OPCML: variants seen among roughly 807,000 people sequenced by gnomAD.
The protein encoded by OPCML is opioid-binding protein/cell adhesion molecule.
Under a neutral mutation model 37.8 loss-of-function variants are expected in OPCML, and 13 were observed. The observed-to-expected ratio is 0.34, with a 90% CI of 0.22 to 0.55. The LOEUF is 0.55. OPCML is among the 20% of genes least tolerant of loss of function. The probability of loss-of-function intolerance (pLI) is 0.91; values close to 1 mark genes in which losing one functional copy is unlikely to be tolerated. For synonymous variants in OPCML, 176 were observed against 168.8 expected, an observed-to-expected ratio of 1.04 and a Z score of -0.33; for missense variants, 341 against 435.6, an observed-to-expected ratio of 0.78 and a Z score of 1.93.
chr11:132,868,086 T>C (rs1219923193), intron 2 of OPCML, among the ~76,000 whole-genome samples: 1 of 152,146 alleles, frequency 6.6e-6, no homozygotes, highest in Non-Finnish European at 1.5e-5. Flanking sequence ...CTAGCACTAA[T>C]GTATTAAGCC....
intron 3 of OPCML, among the ~76,000 whole-genome samples, chr11:132,624,951 C>T (rs1939649995): frequency 6.6e-6 from 1 of 152,070 alleles, no homozygotes; most frequent in Non-Finnish European, 1.5e-5. Context: ...AACTGGGTAT[C>T]CTGTATTTTT....
chr11:133,355,418 A>G (rs1944260521), intron 1 of OPCML, among the ~76,000 whole-genome samples: 1 of 152,234 alleles, frequency 6.6e-6, no homozygotes, highest in African/African-American at 2.4e-5. Context: ...TCAAAGATCC[A>G]GGATTGTTAA....
chr11:132,486,984 A>G (rs1376267153), intron 4 of OPCML, among the ~76,000 whole-genome samples: 2 of 152,224 alleles, frequency 1.3e-5, no homozygotes, highest in Admixed American at 1.3e-4. Flanking sequence ...GTAAACATTA[A>G]TTATTAGTGG....
intron 1 of OPCML, among the ~76,000 whole-genome samples, chr11:133,105,035 G>A (rs1420472339): frequency 1.3e-5 from 2 of 152,086 alleles, no homozygotes; most frequent in Non-Finnish European, 2.9e-5. Flanking sequence ...GAATTGTTAG[G>A]CACATTAAGA....
intron 1 of OPCML, among the ~76,000 whole-genome samples, chr11:133,471,643 A>T (rs979021504): frequency 6.6e-6 from 1 of 152,174 alleles, no homozygotes; most frequent in Non-Finnish European, 1.5e-5. Flanking sequence ...AGAGTAAAAA[A>T]CCGGAGTGGA....
chr11:133,513,606 A>G (rs1019838354), intron 1 of OPCML, among the ~76,000 whole-genome samples: 10 of 152,170 alleles, frequency 6.6e-5, no homozygotes, highest in African/African-American at 2.4e-4. Flanking sequence ...GAGGCAGTAC[A>G]TTGTGTTTTG....
At chr11:132,726,873 C>T (rs781557926) in intron 2 of OPCML, among the ~76,000 whole-genome samples, 13 of 152,162 alleles carry the variant, frequency 8.5e-5, no homozygotes, top group Non-Finnish European at 1.2e-4. Flanking sequence ...CCCATCCCTC[C>T]GCACTTCCTA....
chr11:133,166,171 T>G (rs1592065349), intron 1 of OPCML, among the ~76,000 whole-genome samples: 1 of 152,266 alleles, frequency 6.6e-6, no homozygotes, highest in Non-Finnish European at 1.5e-5. Context: ...ATAAAAACAT[T>G]AAGGAATGAC....
rs541193350 is a variant in OPCML, at chr11:132,673,576, C to A, written c.147-16257G>T. Among the ~76,000 whole-genome samples, 5 of 152,056 alleles carry A rather than the reference C, an allele frequency of 3.3e-5. No individual in the cohort carries two copies. In the South Asian group the frequency reaches 1.0e-3, roughly 32 times the overall value. ...TATTTATGCTCTGATAGGGTTGGGG[C>A]AGGGTTGGGAGGTGGAAAAAAGCCC... On this transcript the variant is annotated intron_variant, in intron 2 of 7. Coordinates refer to ENST00000524381, the MANE Select transcript of OPCML (RefSeq NM_001012393.5).
At chr11:132,914,382 G>A (rs547347672) in intron 2 of OPCML, among the ~76,000 whole-genome samples, 19 of 152,286 alleles carry the variant, frequency 1.2e-4, no homozygotes, top group African/African-American at 3.9e-4. Flanking sequence ...AATATGGTTC[G>A]TCTCTTGTGA....
At chr11:133,486,233 A>G (rs12276910) in intron 1 of OPCML, among the ~76,000 whole-genome samples, 14,499 of 152,204 alleles carry the variant, frequency 0.095, 1,081 homozygotes, top group African/African-American at 0.21. Context: ...TTTATAGAAC[A>G]TTACCACAAA....
chr11:132,594,669 G>A (rs917503978), intron 3 of OPCML, among the ~76,000 whole-genome samples: 1 of 152,134 alleles, frequency 6.6e-6, no homozygotes, highest in African/African-American at 2.4e-5. Context: ...AAAGGGATGG[G>A]CTGGTTTTAA....
intron 2 of OPCML, among the ~76,000 whole-genome samples, chr11:132,803,633 G>A (rs1938819945): frequency 6.6e-6 from 1 of 152,204 alleles, no homozygotes; most frequent in African/African-American, 2.4e-5. Context: ...TAATGAGCGA[G>A]GATGTGCTCC....
At chr11:133,088,481 C>T (rs1201083232) in intron 1 of OPCML, among the ~76,000 whole-genome samples, 1 of 152,228 alleles carries the variant, frequency 6.6e-6, no homozygotes, top group Non-Finnish European at 1.5e-5. Flanking sequence ...CCAGTGGACA[C>T]TGCCCTCGCC....
chr11:133,140,787 C>T (rs1319153809), intron 1 of OPCML, among the ~76,000 whole-genome samples: 1 of 118,858 alleles, frequency 8.4e-6, no homozygotes, highest in African/African-American at 3.8e-5. Flanking sequence ...AAGAAGACGA[C>T]GAAGAAGAAG....
Position 132,847,672 on chromosome 11 carries a change from T to C in OPCML, c.146+95254A>G, listed in dbSNP as rs181195027. ...GAATCTCAGATACCACTAAAAATGC[T>C]GTCTTTTGGTCAGGTATCTGAGCCT... On this transcript the variant is annotated intron_variant, in intron 2 of 7. Transcript: ENST00000524381. Among the ~76,000 whole-genome samples, 362 of 152,332 alleles carry C rather than the reference T, an allele frequency of 2.4e-3. 1 individual carries two copies. Among genetic ancestry groups the C allele is most frequent in the African/African-American group, 7.6e-3 (316 of 41,582 alleles).
chr11:132,623,065 T>C (rs985120265), intron 3 of OPCML, among the ~76,000 whole-genome samples: 7 of 152,166 alleles, frequency 4.6e-5, no homozygotes, highest in Non-Finnish European at 1.0e-4. Flanking sequence ...TTTGGGCTAT[T>C]TGGAGGATGT....
rs60852973 is a variant in OPCML, at chr11:133,173,833, C to T, written c.62-230823G>A. Among the ~76,000 whole-genome samples, 2 of 152,106 alleles carry T rather than the reference C, an allele frequency of 1.3e-5. No individual in the cohort carries two copies. The highest frequency in any genetic ancestry group is 2.4e-5 in the African/African-American group (1 of 41,392). Reference sequence around the variant, plus strand: ...TACGACAGAGCCTAAAGATGCAGGCCTTGAGTTTATGAGGCAAATAATGAA... The same window carrying T: ...TACGACAGAGCCTAAAGATGCAGGCTTTGAGTTTATGAGGCAAATAATGAA... On this transcript the variant is annotated intron_variant, in intron 1 of 7. Coordinates refer to ENST00000524381, the MANE Select transcript of OPCML (RefSeq NM_001012393.5). The surrounding 1 kb of genome is among the most constrained non-coding windows in gnomAD (Gnocchi z 7.8).
chr11:133,140,378 G>A (rs1949752996), intron 1 of OPCML, among the ~76,000 whole-genome samples: 1 of 144,920 alleles, frequency 6.9e-6, no homozygotes, highest in Non-Finnish European at 1.5e-5. Flanking sequence ...AGCAGGGTGT[G>A]GCAGCGGGCA....
Sources: gnomAD v4.1 joint callset for allele counts (sites outside exome capture counted in the v4.1 genomes callset) on GRCh38, gnomAD v4.1.1 for gene constraint, Gnocchi (gnomAD v3.1) non-coding constraint, MANE v1.5 for transcripts, NCBI Gene and HGNC (gene_info 2026-07-23, HGNC 2026-07-21) for gene names.